The following LYN variants were observed in gnomAD, a reference collection of about 807,000 sequenced individuals.
LYN encodes LYN proto-oncogene, Src family tyrosine kinase, also known as tyrosine-protein kinase Lyn.
In LYN, 12 loss-of-function variants were observed where a neutral mutation model predicts 65.0. That is an observed-to-expected ratio of 0.18 (90% CI 0.12 to 0.30). The LOEUF (loss-of-function observed/expected upper bound fraction) is 0.30. Ranked by LOEUF, LYN falls within the 10% of genes least tolerant of loss-of-function variation. The pLI is 1.00. For synonymous variants in LYN, 222 were observed against 221.2 expected, an observed-to-expected ratio of 1.00 and a Z score of -0.03; for missense variants, 380 against 623.2, an observed-to-expected ratio of 0.61 and a Z score of 4.16.
chr8:55,997,084 C>T (rs1808391977), intron 10 of LYN, among the ~76,000 whole-genome samples: 1 of 151,400 alleles, frequency 6.6e-6, no homozygotes, highest in Non-Finnish European at 1.5e-5. Context: ...TCACTTGAAC[C>T]TAGGAGGCGG....
At chr8:55,923,731 G>A (rs1341609475) in intron 1 of LYN, among the ~76,000 whole-genome samples, 1 of 152,002 alleles carries the variant, frequency 6.6e-6, no homozygotes, top group East Asian at 1.9e-4. Context: ...GTAGAGATGA[G>A]GTTTCACCAT....
intron 10 of LYN, among the ~76,000 whole-genome samples, chr8:55,983,362 T>G (rs561634963): frequency 6.6e-6 from 1 of 152,302 alleles, no homozygotes; most frequent in South Asian, 2.1e-4. Flanking sequence ...AAGACACTGT[T>G]CTAGAAATTC....
intron 1 of LYN, among the ~76,000 whole-genome samples, chr8:55,904,001 A>C (rs1805352240): frequency 2.3e-5 from 1 of 43,768 alleles, no homozygotes; most frequent in East Asian, 1.1e-3. Flanking sequence ...AGTAAGACAG[A>C]GTCTCAAAAA....
chr8:55,900,488 T>G (rs995056754), intron 1 of LYN, among the ~76,000 whole-genome samples: 9 of 152,046 alleles, frequency 5.9e-5, no homozygotes, highest in Non-Finnish European at 1.0e-4. Context: ...TCCTCCTGCC[T>G]CAGCTTCCTG....
chr8:55,896,218 T>C (rs566450125), intron 1 of LYN, among the ~76,000 whole-genome samples: 7 of 151,614 alleles, frequency 4.6e-5, no homozygotes, highest in African/African-American at 1.7e-4. Flanking sequence ...TGCAGTGAGC[T>C]ATGATTATGC....
chr8:55,949,331 T>G (rs562485604), intron 4 of LYN, among the ~76,000 whole-genome samples: 41 of 152,330 alleles, frequency 2.7e-4, no homozygotes, highest in Admixed American at 1.5e-3. Flanking sequence ...TTGTACCAAC[T>G]CTTCTTTGTG....
chr8:55,999,193 A>G (rs192542036), intron 11 of LYN, among the ~76,000 whole-genome samples: 1 of 152,318 alleles, frequency 6.6e-6, no homozygotes, highest in African/African-American at 2.4e-5. Flanking sequence ...CTTTCTTGAA[A>G]TTCCTAAGCA....
chr8:55,924,361 A>AT (rs58293361), intron 1 of LYN, among the ~76,000 whole-genome samples: 83 of 144,340 alleles, frequency 5.8e-4, no homozygotes, highest in East Asian at 2.6e-3. Context: ...TGGCATCCTC[A>AT]TTTTTTTTTT....
intron 1 of LYN, among the ~76,000 whole-genome samples, chr8:55,907,318 A>G (rs1160504441): frequency 6.6e-6 from 1 of 152,220 alleles, no homozygotes; most frequent in African/African-American, 2.4e-5. Context: ...TTCACCTATA[A>G]CGTATTCTAT....
At chr8:55,932,578 G>A (rs1806302391) in intron 1 of LYN, among the ~76,000 whole-genome samples, 1 of 151,958 alleles carries the variant, frequency 6.6e-6, no homozygotes, top group Non-Finnish European at 1.5e-5. Context: ...GCACCACCAC[G>A]CCTGGCTAAT....
At chr8:55,903,014 A>G (rs1312074353) in intron 1 of LYN, among the ~76,000 whole-genome samples, 2 of 151,940 alleles carry the variant, frequency 1.3e-5, no homozygotes, top group Admixed American at 1.3e-4. Flanking sequence ...ACACCCAGCT[A>G]ATTTTGTATT....
chr8:55,945,702 T>G (rs559533309), intron 2 of LYN, among the ~76,000 whole-genome samples: 1 of 152,314 alleles, frequency 6.6e-6, no homozygotes, highest in South Asian at 2.1e-4. Context: ...GGTGGTCTTC[T>G]GTGCCACCAA....
At chr8:55,887,571 T>TACACACACAC (rs771404548) in intron 1 of LYN, among the ~76,000 whole-genome samples, 2 of 50,352 alleles carry the variant, frequency 4.0e-5, no homozygotes, top group African/African-American at 8.5e-5. Flanking sequence ...TATATATATA[T>TACACACACAC]ATATACACAC....
chr8:56,001,363 A>G lies in LYN; in HGVS notation c.1336+1814A>G, dbSNP rs574506758. Among the ~76,000 whole-genome samples, 17 of 152,324 alleles carry G rather than the reference A, an allele frequency of 1.1e-4. No homozygotes were observed. In the East Asian group the frequency reaches 1.9e-3, roughly 17 times the overall value. ...TGGCTCAGGGAGAGACTTACTGGCCATGTAAGAGCAGCCCCTCTTACTCTG... is the reference window on the plus strand; with the variant it reads ...TGGCTCAGGGAGAGACTTACTGGCCGTGTAAGAGCAGCCCCTCTTACTCTG... On this transcript the variant is annotated intron_variant, in intron 12 of 12. Coordinates refer to ENST00000519728, the MANE Select transcript of LYN (RefSeq NM_002350.4).
chr8:55,941,176 C>G (rs915615448), intron 1 of LYN, among the ~76,000 whole-genome samples: 1 of 152,170 alleles, frequency 6.6e-6, no homozygotes, highest in African/African-American at 2.4e-5. Context: ...CAAGGCCCCC[C>G]ACCCCACTCC....
In LYN at chr8:55,912,401, G is replaced by A. The variant is rs188823270; in HGVS notation, c.-5-29454G>A. 2.6e-4 allele frequency among the ~76,000 whole-genome samples: 39 copies of A among 152,220 alleles called. No homozygotes were observed. The East Asian group carries it at 3.1e-3, about 12-fold the overall frequency. On this transcript the variant is annotated intron_variant, in intron 1 of 12. Transcript: ENST00000519728. Reference sequence around the variant, plus strand: ...TATGGTTAGACTATACCATGCCTGCGCTTAAGTAGTTTTTGAAATTTTAAC... The same window carrying A: ...TATGGTTAGACTATACCATGCCTGCACTTAAGTAGTTTTTGAAATTTTAAC...
At chr8:55,942,076 A>G (rs1272985410) in intron 2 of LYN, 85 bp downstream of exon 2, 3 of 1,387,138 alleles carry the variant, frequency 2.2e-6, no homozygotes, top group African/African-American at 1.5e-5. Flanking sequence ...TAATATGTGC[A>G]TGCAAAAAAA....
intron 1 of LYN, 98 bp downstream of exon 1, chr8:55,880,201 TA>T (rs1804610336): frequency 6.2e-6 from 1 of 160,756 alleles, no homozygotes; most frequent in Non-Finnish European, 1.4e-5. Flanking sequence ...GGGCGCAGGG[TA>T]GACTCGGGGC....
In LYN at chr8:55,981,413, C is replaced by T. The variant is rs1807917800; in HGVS notation, c.1050+11620C>T. On this transcript the variant is annotated intron_variant, in intron 10 of 12. Transcript: ENST00000519728. ...GCTTGTTGGATGACTATACTGGCCA[C>T]TTAAAATGGGGATTGACTATATTCC... Among the ~76,000 whole-genome samples, 6 of 152,324 alleles carry T rather than the reference C, an allele frequency of 3.9e-5. No individual in the cohort carries two copies. The South Asian group carries it at 1.2e-3, about 32-fold the overall frequency.
Sources: gnomAD v4.1 joint callset for allele counts (sites outside exome capture counted in the v4.1 genomes callset) on GRCh38, gnomAD v4.1.1 for gene constraint, MANE v1.5 for transcripts, NCBI Gene and HGNC (gene_info 2026-07-23, HGNC 2026-07-21) for gene names.